Variants in RBFOX3 observed in about 807,000 individuals in gnomAD.
The protein encoded by RBFOX3 is RNA binding protein fox-1 homolog 3.
A neutral mutation model predicts 48.7 loss-of-function variants in RBFOX3; 17 were observed. That is an observed-to-expected ratio of 0.35 (90% CI 0.24 to 0.52). The LOEUF is 0.52. Ranked by LOEUF, RBFOX3 falls within the 20% of genes least tolerant of loss-of-function variation. The probability of loss-of-function intolerance (pLI) is 0.94; values close to 1 mark genes in which losing one functional copy is unlikely to be tolerated. For synonymous variants in RBFOX3, 212 were observed against 209.5 expected (o/e 1.01, Z -0.10); for missense variants, 382 against 497.5 (o/e 0.77, Z 2.21).
intron 2 of RBFOX3, among the ~76,000 whole-genome samples, chr17:79,356,370 T>C (rs1180032167): frequency 8.1e-6 from 1 of 124,182 alleles, no homozygotes; most frequent in African/African-American, 3.2e-5. Flanking sequence ...TTTTTTTTTT[T>C]TTTTTTTTTT....
intron 1 of RBFOX3, among the ~76,000 whole-genome samples, chr17:79,529,418 A>C (rs1269263747): frequency 2.0e-5 from 3 of 152,200 alleles, no homozygotes; most frequent in African/African-American, 7.2e-5. Flanking sequence ...TCAATCCTCC[A>C]CGGAACCAGT....
At chr17:79,615,449 G>A (rs2093990005), upstream of RBFOX3, among the ~76,000 whole-genome samples, 1 of 152,118 alleles carries the variant, frequency 6.6e-6, no homozygotes, top group African/African-American at 2.4e-5. Context: ...GAGGGCAGCT[G>A]TGTACCGGGC....
At chr17:79,396,238 T>G (rs1386733477) in intron 2 of RBFOX3, among the ~76,000 whole-genome samples, 1 of 152,176 alleles carries the variant, frequency 6.6e-6, no homozygotes, top group Admixed American at 6.5e-5. Context: ...GGATCAAATT[T>G]GGACTGGGCA....
intron 5 of RBFOX3, among the ~76,000 whole-genome samples, chr17:79,108,665 C>T (rs1189939416): frequency 6.6e-6 from 1 of 152,250 alleles, no homozygotes; most frequent in Non-Finnish European, 1.5e-5. Flanking sequence ...AGCACGGCCA[C>T]CCTGGTTGTC....
chr17:79,551,007 C>A (rs1043877642), intron 1 of RBFOX3, among the ~76,000 whole-genome samples: 15 of 152,162 alleles, frequency 9.9e-5, no homozygotes, highest in Admixed American at 2.0e-4. Context: ...GCCGCTAGCC[C>A]CATGTGGCTA....
intron 1 of RBFOX3, among the ~76,000 whole-genome samples, chr17:79,541,874 C>T (rs551101257): frequency 1.4e-4 from 21 of 152,174 alleles, no homozygotes; most frequent in Admixed American, 3.9e-4. Flanking sequence ...GCACCAGTTT[C>T]GAGGGCAGAG....
chr17:79,287,297 T>C (rs529590382), intron 3 of RBFOX3, among the ~76,000 whole-genome samples: 2 of 152,294 alleles, frequency 1.3e-5, no homozygotes, highest in South Asian at 4.1e-4. Context: ...GCACCAATCT[T>C]CCCTGACCCC....
chr17:79,463,920 TGCCACTGCCACCTCCCCACCATC>T (rs1240027873), intron 2 of RBFOX3, among the ~76,000 whole-genome samples: 1 of 125,478 alleles, frequency 8.0e-6, no homozygotes, highest in East Asian at 2.2e-4. Context: ...CCACCACCAT[TGCCACTGCCACCTCCCCACCATC>T]GCCACTGCCA....
At chr17:79,560,118 C>T (rs1378908027) in intron 1 of RBFOX3, among the ~76,000 whole-genome samples, 3 of 151,848 alleles carry the variant, frequency 2.0e-5, no homozygotes, top group Admixed American at 6.6e-5. Context: ...TTCAGCAACT[C>T]CTAGAAAATC....
At chr17:79,317,770 T>C (rs2077737687) in intron 2 of RBFOX3, among the ~76,000 whole-genome samples, 1 of 151,734 alleles carries the variant, frequency 6.6e-6, no homozygotes, top group South Asian at 2.1e-4. Context: ...AAAAAAAAAG[T>C]TGCAATGTTC....
the RBFOX3 span, among the ~76,000 whole-genome samples, chr17:79,621,155 C>T: frequency 2.0e-5 from 3 of 152,130 alleles, no homozygotes; most frequent in South Asian, 2.1e-4. Context: ...CGTGCCACCA[C>T]GCCCGGCTTA....
intron 1 of RBFOX3, among the ~76,000 whole-genome samples, chr17:79,547,477 A>AG (rs1342482498): frequency 2.0e-5 from 3 of 151,932 alleles, no homozygotes; most frequent in South Asian, 2.1e-4. Context: ...AAAACAAAAA[A>AG]ACTGTTGCTT....
intron 2 of RBFOX3, among the ~76,000 whole-genome samples, chr17:79,372,772 G>A (rs755816209): frequency 8.5e-5 from 13 of 152,216 alleles, no homozygotes; most frequent in African/African-American, 2.4e-4. Context: ...CCACCTTTGC[G>A]TGGGCATCAG....
chr17:79,388,674 C>G (rs1454659234), intron 2 of RBFOX3, among the ~76,000 whole-genome samples: 1 of 152,178 alleles, frequency 6.6e-6, no homozygotes, highest in Non-Finnish European at 1.5e-5. Flanking sequence ...CTAGTGGCCA[C>G]GGAGGATGTC....
intron 1 of RBFOX3, among the ~76,000 whole-genome samples, chr17:79,519,348 G>A (rs2085724978): frequency 2.0e-5 from 3 of 152,362 alleles, no homozygotes; most frequent in South Asian, 4.1e-4. Flanking sequence ...AAGCAAAGGT[G>A]TGTCCTGCAA....
intron 1 of RBFOX3, among the ~76,000 whole-genome samples, chr17:79,499,043 C>CCCAT (rs1417071441): frequency 1.3e-5 from 2 of 151,338 alleles, no homozygotes; most frequent in East Asian, 3.9e-4. Context: ...CCCTCATCTA[C>CCCAT]CCATCCATCC....
the RBFOX3 span, among the ~76,000 whole-genome samples, chr17:79,633,427 T>C: frequency 6.6e-6 from 1 of 152,158 alleles, no homozygotes; most frequent in Non-Finnish European, 1.5e-5. Flanking sequence ...AGAACGCGTG[T>C]CCACCGTAGG....
intron 4 of RBFOX3, among the ~76,000 whole-genome samples, chr17:79,135,599 G>A (rs188967578): frequency 6.6e-6 from 1 of 152,164 alleles, no homozygotes; most frequent in South Asian, 2.1e-4. Context: ...GCTCCCCAGC[G>A]CAGTGGGGGC....
rs2073572270 is a variant in RBFOX3 at position 79,089,802 on chromosome 17, GTGC to G, written c.*1078_*1080del. The G allele has an allele frequency of 6.6e-6, 1 of 152,566 alleles. No individual in the cohort carries two copies. The highest frequency in any genetic ancestry group is 2.1e-4 in the South Asian group (1 of 4,834). 9.5% of individuals were successfully genotyped at this position (152,566 alleles called of 1,614,324 possible). On this transcript the variant is annotated 3_prime_UTR_variant, in exon 15 of 15. Transcript: ENST00000693108. Reference sequence around the variant, plus strand: ...CACCGGGTAAGCCTGGCTGTCCTTGGTGCTGCTCCCGCCACCTGGACACCTGCC... The same window carrying G: ...CACCGGGTAAGCCTGGCTGTCCTTGGTGCTCCCGCCACCTGGACACCTGCC...
Sources: allele counts gnomAD v4.1 joint callset (sites outside exome capture counted in the v4.1 genomes callset), GRCh38; gene constraint gnomAD v4.1.1; transcripts MANE v1.5; gene names NCBI Gene and HGNC (gene_info 2026-07-23, HGNC 2026-07-21).